Variants in RGS9 observed in about 807,000 individuals in gnomAD.
RGS9 encodes the protein regulator of G-protein signalling 9.
A neutral mutation model predicts 102.0 loss-of-function variants in RGS9; 78 were observed. The ratio of observed to expected loss-of-function variants is 0.76; its 90% CI spans 0.64 to 0.92. The LOEUF is 0.92. Among genes scored for constraint, RGS9 ranks in the 40% least tolerant of loss-of-function variants. The pLI is 0.00. For synonymous variants in RGS9, 353 were observed against 318.6 expected, an observed-to-expected ratio of 1.11 and a Z score of -1.15; for missense variants, 833 against 866.1, an observed-to-expected ratio of 0.96 and a Z score of 0.48.
intron 9 of RGS9, among the ~76,000 whole-genome samples, 155 bp downstream of exon 9, chr17:65,177,958 G>T (rs1911711507): frequency 6.6e-6 from 1 of 152,316 alleles, no homozygotes; most frequent in Non-Finnish European, 1.5e-5. Flanking sequence ...CTCAGGGTTA[G>T]GGGAGAAGTG....
intron 15 of RGS9, among the ~76,000 whole-genome samples, chr17:65,204,749 TAAC>T (rs1912984543): frequency 1.3e-5 from 2 of 152,126 alleles, no homozygotes; most frequent in African/African-American, 4.8e-5. Context: ...AACATTATAA[TAAC>T]AGCCATCATT....
intron 15 of RGS9, among the ~76,000 whole-genome samples, chr17:65,205,977 C>T (rs970315083): frequency 1.3e-5 from 2 of 151,442 alleles, no homozygotes; most frequent in Non-Finnish European, 2.9e-5. Context: ...ATGTAGGTTA[C>T]ATGATGTGGG....
intron 17 of RGS9, among the ~76,000 whole-genome samples, chr17:65,223,344 C>T (rs1340297332): frequency 6.6e-6 from 1 of 152,210 alleles, no homozygotes; most frequent in Non-Finnish European, 1.5e-5. Flanking sequence ...GAATGATGGG[C>T]TCTGAGCTGC....
intron 9 of RGS9, among the ~76,000 whole-genome samples, chr17:65,181,639 C>T (rs1329314958): frequency 6.6e-6 from 1 of 152,224 alleles, no homozygotes; most frequent in Non-Finnish European, 1.5e-5. Context: ...GGGCAGGGGC[C>T]GCTCATGGCA....
At chr17:65,192,577 G>A (rs562448928) in intron 11 of RGS9, among the ~76,000 whole-genome samples, 3 of 150,970 alleles carry the variant, frequency 2.0e-5, no homozygotes, top group African/African-American at 7.3e-5. Context: ...TTGCATCACT[G>A]CACTCCAGCC....
chr17:65,140,404 C>T (rs529101491), intron 1 of RGS9, among the ~76,000 whole-genome samples: 10 of 152,130 alleles, frequency 6.6e-5, no homozygotes, highest in African/African-American at 1.2e-4. Context: ...GGTTTGGGGC[C>T]ATGTTCTGTA....
chr17:65,193,432 T>G lies in RGS9; in HGVS notation c.747-111T>G. 6 of 749,968 alleles carry G rather than the reference T, an allele frequency of 8.0e-6. No individual in the cohort carries two copies. The South Asian group carries it at 8.7e-5, about 11-fold the overall frequency. 46.5% of individuals were successfully genotyped at this position (749,968 alleles called of 1,614,324 possible). On this transcript the variant is annotated intron_variant, in intron 11 of 18. Transcript: ENST00000262406. Reference sequence around the variant, plus strand: ...ATTTCTAGGAAAACAGTAATAAGTATGTCACCAAATCGATACAGGAAAAGA... The same window carrying G: ...ATTTCTAGGAAAACAGTAATAAGTAGGTCACCAAATCGATACAGGAAAAGA...
At chr17:65,210,421 G>A (rs1913246407) in intron 16 of RGS9, 67 bp from the exon 17 acceptor site, 6 of 1,561,358 alleles carry the variant, frequency 3.8e-6, no homozygotes, top group Admixed American at 1.7e-5. Context: ...CCCATCAAGT[G>A]TGACAGGGTC....
intron 11 of RGS9, among the ~76,000 whole-genome samples, chr17:65,191,670 C>T (rs544606830): frequency 2.6e-5 from 4 of 152,200 alleles, no homozygotes; most frequent in African/African-American, 7.2e-5. Flanking sequence ...TTGCTTGAAC[C>T]CAGGAGGAGG....
intron 11 of RGS9, among the ~76,000 whole-genome samples, chr17:65,191,856 A>G (rs573013410): frequency 1.3e-5 from 2 of 152,348 alleles, no homozygotes; most frequent in East Asian, 3.9e-4. Flanking sequence ...GCTTGTCTCT[A>G]AGGTACCAGT....
At chr17:65,216,602 A>G (rs1476246460) in intron 17 of RGS9, among the ~76,000 whole-genome samples, 1 of 152,200 alleles carries the variant, frequency 6.6e-6, no homozygotes. Flanking sequence ...GCGCCACTGC[A>G]CTTCAGCCTG....
intron 8 of RGS9, among the ~76,000 whole-genome samples, chr17:65,169,830 C>A (rs947045324): frequency 4.6e-5 from 7 of 151,986 alleles, no homozygotes; most frequent in Admixed American, 2.0e-4. Flanking sequence ...GCCTCCCCCC[C>A]AGCCCATCTC....
intron 9 of RGS9, among the ~76,000 whole-genome samples, chr17:65,187,773 G>A (rs1261819964): frequency 8.5e-5 from 13 of 152,158 alleles, no homozygotes; most frequent in Admixed American, 5.2e-4. Flanking sequence ...CAAGGCGGGC[G>A]GATCACGAGG....
chr17:65,203,004 C>T (rs1912915675), intron 14 of RGS9, among the ~76,000 whole-genome samples: 1 of 152,254 alleles, frequency 6.6e-6, no homozygotes, highest in South Asian at 2.1e-4. Flanking sequence ...TGGGCTGGAA[C>T]CAGCCCTTTG....
intron 14 of RGS9, 40 bp from the exon 15 acceptor site, chr17:65,204,123 T>G (rs760410619): frequency 3.1e-6 from 5 of 1,611,428 alleles, no homozygotes; most frequent in Admixed American, 3.3e-5. Context: ...TGAATTGACT[T>G]GGTTTAGTTA....
At chr17:65,154,696 G>T (rs1361696212) in intron 2 of RGS9, among the ~76,000 whole-genome samples, 1 of 152,178 alleles carries the variant, frequency 6.6e-6, no homozygotes, top group Admixed American at 6.5e-5. Context: ...GGCAAGAAGG[G>T]CTGGACGCCA....
chr17:65,175,972 A>G (rs1258892465), intron 8 of RGS9, among the ~76,000 whole-genome samples: 4 of 152,226 alleles, frequency 2.6e-5, no homozygotes, highest in African/African-American at 9.6e-5. Flanking sequence ...TGGGCTTCCT[A>G]CATTTTATCT....
intron 1 of RGS9, 36 bp downstream of exon 1, chr17:65,137,633 G>A (rs753064972): frequency 6.2e-7 from 1 of 1,608,062 alleles, no homozygotes; most frequent in Non-Finnish European, 8.5e-7. Context: ...CTGGGAGGAG[G>A]GCGGGGGACC....
intron 2 of RGS9, among the ~76,000 whole-genome samples, chr17:65,155,924 G>GTTTC (rs1478131481): frequency 6.6e-6 from 1 of 152,172 alleles, no homozygotes; most frequent in Non-Finnish European, 1.5e-5. Context: ...AGACCAAAGA[G>GTTTC]TTTCAGCAAC....
Sources: allele counts gnomAD v4.1 joint callset (sites outside exome capture counted in the v4.1 genomes callset), GRCh38; gene constraint gnomAD v4.1.1; transcripts MANE v1.5; gene names NCBI Gene and HGNC (gene_info 2026-07-23, HGNC 2026-07-21).